CWC22: variants seen among roughly 807,000 people sequenced by gnomAD.
CWC22 encodes pre-mRNA-splicing factor CWC22 homolog.
A neutral mutation model predicts 117.2 loss-of-function variants in CWC22; 53 were observed. That is an observed-to-expected ratio of 0.45 (90% confidence interval 0.36 to 0.57). The LOEUF is 0.57. CWC22 is among the 20% of genes least tolerant of loss of function. The pLI, the probability that CWC22 is intolerant of heterozygous loss-of-function variation, is 0.00. For synonymous variants in CWC22, 360 were observed against 355.6 expected (o/e 1.01, Z -0.14); for missense variants, 980 against 1,068.8 (o/e 0.92, Z 1.16).
intron 2 of CWC22, among the ~76,000 whole-genome samples, chr2:179,989,299 C>T (rs956830428): frequency 6.6e-6 from 1 of 150,768 alleles, no homozygotes; most frequent in Non-Finnish European, 1.5e-5. Flanking sequence ...GCTCTGTTGC[C>T]CAGGCTGGAG....
intron 11 of CWC22, among the ~76,000 whole-genome samples, chr2:179,967,174 A>C (rs1206921735): frequency 1.3e-5 from 2 of 152,246 alleles, no homozygotes; most frequent in Admixed American, 1.3e-4. Context: ...CACCTGGGTC[A>C]GTCGAAGGTG....
intron 8 of CWC22, 102 bp from the exon 9 acceptor site, chr2:179,971,178 T>C: frequency 1.2e-6 from 1 of 812,110 alleles, no homozygotes; most frequent in Non-Finnish European, 1.8e-6. Flanking sequence ...ACAATAATTA[T>C]ATTGCACATA....
intron 1 of CWC22, among the ~76,000 whole-genome samples, chr2:179,993,861 T>C (rs1687633083): frequency 6.6e-6 from 1 of 152,108 alleles, no homozygotes. Context: ...AAAAATCCAA[T>C]GTTTCTACAC....
At chr2:179,959,585 G>A (rs947481685) in intron 13 of CWC22, among the ~76,000 whole-genome samples, 1 of 152,032 alleles carries the variant, frequency 6.6e-6, no homozygotes, top group Non-Finnish European at 1.5e-5. Context: ...ATCACAGAGT[G>A]TATTTACAAA....
chr2:179,999,084 G>GT (rs1441540361), intron 1 of CWC22, among the ~76,000 whole-genome samples: 2 of 152,026 alleles, frequency 1.3e-5, no homozygotes, highest in Non-Finnish European at 2.9e-5. Context: ...GTCTCACAAC[G>GT]TAAGTGTGAA....
In CWC22 at chr2:179,993,333, A is replaced by G; in HGVS notation, c.9T>C (p.Ser3=). The change falls in exon 2 of 20, where the codon AGT becomes AGC. Residue 3 remains serine, a synonymous_variant. Coordinates refer to ENST00000410053, the MANE Select transcript of CWC22 (RefSeq NM_020943.3). The stretch of plus-strand genomic sequence containing the variant: ...CACTTACTTTTATCTGTGCCACACT[A>G]CTTTTCATTTTCTGTTGCCAGTTGG... The part of the protein sequence containing the change: MK[S]SVAQIKPSSG... The G allele has an allele frequency of 1.3e-6, 2 of 1,566,902 alleles. No individual in the cohort carries two copies. Among genetic ancestry groups the G allele is most frequent in the Non-Finnish European group, 1.7e-6 (2 of 1,153,422 alleles).
chr2:179,962,797 C>T (rs1162875140), intron 13 of CWC22, among the ~76,000 whole-genome samples: 1 of 151,868 alleles, frequency 6.6e-6, no homozygotes, highest in African/African-American at 2.4e-5. Flanking sequence ...ACAATGTTGC[C>T]AGATTTTGAA....
Position 179,945,390 on chromosome 2 carries a change from C to A in CWC22, c.2466G>T (p.Lys822Asn). The A allele has an allele frequency of 6.2e-7, 1 of 1,613,094 alleles. No homozygotes were observed. Among genetic ancestry groups the A allele is most frequent in the South Asian group, 1.1e-5 (1 of 90,916 alleles). Reference protein sequence around the residue: ...LENKHGDPKKKRGERRNSFSE... With the variant: ...LENKHGDPKKNRGERRNSFSE... ...AAAAAGAATTTCTTCTCTCTCCTCTCTTCTTTTTGGGATCACCATGCTTAT... is the reference window on the plus strand; with the variant it reads ...AAAAAGAATTTCTTCTCTCTCCTCTATTCTTTTTGGGATCACCATGCTTAT... The change falls in exon 20 of 20, where the codon AAG becomes AAT. Residue 822 changes from lysine (K) to asparagine (N), a missense_variant. Physicochemically the swap from Lys to Asn is moderately conservative, Grantham distance 94. Coordinates refer to ENST00000410053, the MANE Select transcript of CWC22 (RefSeq NM_020943.3).
chr2:179,997,454 C>G (rs939608922), intron 1 of CWC22, among the ~76,000 whole-genome samples: 4 of 152,180 alleles, frequency 2.6e-5, no homozygotes, highest in Non-Finnish European at 5.9e-5. Context: ...CTTATCTCAG[C>G]TGGATTTTAG....
rs773819568 is a variant in CWC22, at chr2:179,971,094, T to C, written c.805-18A>G. On this transcript the variant is annotated intron_variant, in intron 8 of 19. Coordinates refer to ENST00000410053, the MANE Select transcript of CWC22 (RefSeq NM_020943.3). ...TCGTGTGCCTTAAATAAAATACATA[T>C]ACAAGGAAGAAACAAAATGCTTTTA... 10 of 1,485,268 alleles carry C rather than the reference T, an allele frequency of 6.7e-6. No individual in the cohort carries two copies. The highest frequency in any genetic ancestry group is 1.8e-4 in the Middle Eastern group (1 of 5,710). 92.0% of individuals were successfully genotyped at this position (1,485,268 alleles called of 1,614,324 possible).
chr2:179,975,370 G>A (rs1464377284), intron 6 of CWC22, among the ~76,000 whole-genome samples: 1 of 152,086 alleles, frequency 6.6e-6, no homozygotes, highest in East Asian at 1.9e-4. Context: ...TTTCCTCTAG[G>A]ATCAGGAATA....
In CWC22 at chr2:179,945,602, C is replaced by T. The variant is rs768371941; in HGVS notation, c.2254G>A (p.Gly752Arg). The change falls in exon 20 of 20, where the codon GGG (glycine) becomes AGG (arginine). Residue 752 changes from glycine to arginine, a missense_variant. Coordinates refer to ENST00000410053, the MANE Select transcript of CWC22 (RefSeq NM_020943.3). Reference protein sequence around the residue: ...RKQKERRQEHGHQETRTERER... With the variant: ...RKQKERRQEHRHQETRTERER... ...CTCTCAGTCCTTGTTTCCTGGTGCC[C>T]GTGTTCTTGTCTTCTTTCTTTTTGT... 5.0e-6 allele frequency: 8 copies of T among 1,613,166 alleles called. No homozygotes were observed. The highest frequency in any genetic ancestry group is 3.3e-4 in the Middle Eastern group (2 of 6,060).
intron 19 of CWC22, among the ~76,000 whole-genome samples, chr2:179,949,673 A>G (rs180912852): frequency 1.3e-5 from 2 of 152,334 alleles, no homozygotes; most frequent in African/African-American, 4.8e-5. Context: ...CTATAGGTAC[A>G]TACCCAGTAG....
intron 15 of CWC22, 120 bp downstream of exon 15, chr2:179,954,837 G>C: frequency 1.6e-6 from 1 of 638,788 alleles, no homozygotes; most frequent in Non-Finnish European, 2.8e-6. Flanking sequence ...AGGAAGGAGA[G>C]AATAATTTGC....
intron 11 of CWC22, among the ~76,000 whole-genome samples, chr2:179,969,207 CA>C (rs1343213183): frequency 1.3e-5 from 2 of 151,946 alleles, no homozygotes; most frequent in Non-Finnish European, 2.9e-5. Context: ...AAGAATTTCA[CA>C]AAAAACATTT....
intron 1 of CWC22, among the ~76,000 whole-genome samples, chr2:180,001,591 A>G (rs539045580): frequency 6.6e-6 from 1 of 152,258 alleles, no homozygotes; most frequent in South Asian, 2.1e-4. Flanking sequence ...GGGCCTCCCA[A>G]AGTGCTGGGA....
At chr2:179,983,801 T>C (rs932564775) in intron 4 of CWC22, among the ~76,000 whole-genome samples, 10 of 152,094 alleles carry the variant, frequency 6.6e-5, no homozygotes, top group Admixed American at 1.3e-4. Flanking sequence ...CTAAGTTCTC[T>C]ACACTAATTT....
chr2:180,000,177 A>G (rs1457179870), intron 1 of CWC22, among the ~76,000 whole-genome samples: 1 of 152,184 alleles, frequency 6.6e-6, no homozygotes, highest in African/African-American at 2.4e-5. Context: ...CTCATGATAT[A>G]CCTCATAAGG....
At chr2:179,959,466 G>T (rs1686691577) in intron 13 of CWC22, among the ~76,000 whole-genome samples, 1 of 152,068 alleles carries the variant, frequency 6.6e-6, no homozygotes, top group Non-Finnish European at 1.5e-5. Context: ...CAATGATGAT[G>T]GTTGTACAAC....
Sources: gnomAD v4.1 joint callset for allele counts (sites outside exome capture counted in the v4.1 genomes callset) on GRCh38, gnomAD v4.1.1 for gene constraint, MANE v1.5 for transcripts, NCBI Gene and HGNC (gene_info 2026-07-23, HGNC 2026-07-21) for gene names.